Variants in ST8SIA5 observed in about 807,000 individuals in gnomAD.
ST8SIA5 encodes alpha-2,8-sialyltransferase 8E.
ST8SIA5 carries 24 observed loss-of-function variants against 40.2 expected under a neutral mutation model. The observed-to-expected ratio is 0.60, with a 90% CI of 0.43 to 0.84. The LOEUF (loss-of-function observed/expected upper bound fraction) is 0.84, where lower values mean the gene tolerates loss of function less well. ST8SIA5 is among the 40% of genes least tolerant of loss of function. The pLI is 0.00. For synonymous variants in ST8SIA5, 198 were observed against 201.8 expected, an observed-to-expected ratio of 0.98 and a Z score of 0.16; for missense variants, 465 against 498.5, an observed-to-expected ratio of 0.93 and a Z score of 0.64.
chr18:46,691,379 A>G (rs2039503827), intron 3 of ST8SIA5: 1 of 152,222 alleles, frequency 6.6e-6, no homozygotes, highest in Non-Finnish European at 1.5e-5. Flanking sequence ...GCTTTTCACA[A>G]TCTTGTGCAG....
chr18:46,756,726 C>T lies in ST8SIA5; in HGVS notation c.-218G>A. On this transcript the variant is annotated 5_prime_UTR_variant, in exon 1 of 7. Transcript: ENST00000315087. ...GCGGCAAGCAGGACAGGGCCGGTGG[C>T]AGGGAGCTCTGCCGCGGCCAGGGGC... 1.9e-6 allele frequency: 1 copy of T among 520,750 alleles called. No homozygotes were observed. Among genetic ancestry groups the T allele is most frequent in the Non-Finnish European group, 3.3e-6 (1 of 305,846 alleles). 32.3% of individuals were successfully genotyped at this position (520,750 alleles called of 1,614,324 possible). A position where few individuals can be genotyped will look rare whatever the true frequency, so the allele number is the denominator to read the frequency against.
chr18:46,725,086 A>T (rs1381038104), intron 1 of ST8SIA5, among the ~76,000 whole-genome samples: 1 of 152,040 alleles, frequency 6.6e-6, no homozygotes, highest in Non-Finnish European at 1.5e-5. Context: ...AGAAAATCTC[A>T]TTATCTCCAT....
chr18:46,692,285 A>G (rs1195841238), intron 2 of ST8SIA5, 30 bp from the exon 3 acceptor site: 10 of 1,607,016 alleles, frequency 6.2e-6, no homozygotes, highest in Non-Finnish European at 8.5e-6. Context: ...AGAGTACATG[A>G]GCAGGGTAGG....
chr18:46,712,779 C>T (rs532505930), intron 1 of ST8SIA5, among the ~76,000 whole-genome samples: 10 of 152,056 alleles, frequency 6.6e-5, no homozygotes, highest in South Asian at 6.2e-4. Flanking sequence ...TCCACAGGGG[C>T]GACAATAAAT....
chr18:46,753,910 T>C (rs1177578924), intron 1 of ST8SIA5, among the ~76,000 whole-genome samples: 1 of 152,090 alleles, frequency 6.6e-6, no homozygotes, highest in African/African-American at 2.4e-5. Flanking sequence ...GGCAGGTTAG[T>C]AGATCTCACC....
At chr18:46,718,248 T>C (rs949181498) in intron 1 of ST8SIA5, among the ~76,000 whole-genome samples, 3 of 149,248 alleles carry the variant, frequency 2.0e-5, no homozygotes. Flanking sequence ...GAGAATTGCT[T>C]GAACCCGGGA....
At chr18:46,704,754 C>G (rs1022636803) in intron 1 of ST8SIA5, 90 bp from the exon 2 acceptor site, 2 of 1,107,024 alleles carry the variant, frequency 1.8e-6, no homozygotes, top group African/African-American at 1.5e-5. Context: ...GAGTGTCTGT[C>G]CCAGTGAAAT....
chr18:46,686,187 C>A lies in ST8SIA5; in HGVS notation c.556G>T (p.Asp186Tyr). 1 of 1,614,128 alleles carries A rather than the reference C, an allele frequency of 6.2e-7. No individual in the cohort carries two copies. The highest frequency in any genetic ancestry group is 8.5e-7 in the Non-Finnish European group (1 of 1,180,006). Residue 186 changes from aspartate (D) to tyrosine (Y), a missense_variant, in exon 5 of 7, where the codon GAC becomes TAC. Coordinates refer to ENST00000315087, the MANE Select transcript of ST8SIA5 (RefSeq NM_013305.6). ...GGTTTCTTTTACCGGAAGACGAAGT[C>A]GGCGCTGTTGATCTCCCTCCCGCAG... ...SRCGREINSA[D>Y]FVFRCNLPPI...
intron 1 of ST8SIA5, among the ~76,000 whole-genome samples, chr18:46,713,566 G>A (rs1367407706): frequency 6.6e-6 from 1 of 152,158 alleles, no homozygotes; most frequent in South Asian, 2.1e-4. Flanking sequence ...ACAGGCCTGA[G>A]GTCAGCTCCC....
intron 1 of ST8SIA5, among the ~76,000 whole-genome samples, chr18:46,724,700 A>G (rs1178782033): frequency 6.6e-6 from 1 of 152,152 alleles, no homozygotes; most frequent in Non-Finnish European, 1.5e-5. Flanking sequence ...CGGGCCAAGC[A>G]TGGTGGCTCA....
At chr18:46,692,355 C>A (rs888028163) in intron 2 of ST8SIA5, 100 bp from the exon 3 acceptor site, 12 of 1,043,818 alleles carry the variant, frequency 1.1e-5, no homozygotes, top group African/African-American at 7.8e-5. Context: ...AGGCCAAGTC[C>A]AGTCCTGGGG....
In ST8SIA5 at chr18:46,678,931, C is replaced by T. The variant is rs2039357683; in HGVS notation, c.*1111G>A. On this transcript the variant is annotated 3_prime_UTR_variant, in exon 7 of 7. Transcript: ENST00000315087. Reference sequence around the variant, plus strand: ...CCTAAGCCCAGCTGACTGCCCCAAGCCCAGGCCCTGGGGTCTGCTGTGAGA... The same window carrying T: ...CCTAAGCCCAGCTGACTGCCCCAAGTCCAGGCCCTGGGGTCTGCTGTGAGA... 6.6e-6 allele frequency: 1 copy of T among 152,264 alleles called. No individual in the cohort carries two copies. Among genetic ancestry groups the T allele is most frequent in the African/African-American group, 2.4e-5 (1 of 41,446 alleles). 9.4% of individuals were successfully genotyped at this position (152,264 alleles called of 1,614,324 possible). A position where few individuals can be genotyped will look rare whatever the true frequency, so the allele number is the denominator to read the frequency against.
chr18:46,710,763 T>C (rs2039723932), intron 1 of ST8SIA5, among the ~76,000 whole-genome samples: 1 of 152,070 alleles, frequency 6.6e-6, no homozygotes, highest in Non-Finnish European at 1.5e-5. Flanking sequence ...CCTGTTGGCC[T>C]GATTCCCTCT....
In ST8SIA5 at chr18:46,671,784, T is replaced by G. The variant is rs960711492; in HGVS notation, c.*8258A>C. The G allele has an allele frequency of 1.3e-5, 2 of 152,232 alleles. No individual in the cohort carries two copies. Among genetic ancestry groups the G allele is most frequent in the African/African-American group, 4.8e-5 (2 of 41,454 alleles). The allele number at this position is 152,232 out of a possible 1,614,324, so 9.4% of individuals were successfully genotyped here. A position where few individuals can be genotyped will look rare whatever the true frequency, so the allele number is the denominator to read the frequency against. The stretch of plus-strand genomic sequence containing the variant: ...CTAAAATGTTCAGAAAAAGAAAAGC[T>G]GGTACCTTTAAGAAGTCTCACGCCT... On this transcript the variant is annotated 3_prime_UTR_variant, in exon 7 of 7. Transcript: ENST00000315087.
rs147373500 is a variant in ST8SIA5, at chr18:46,720,828, T to C, written c.132-16164A>G. Reference sequence around the variant, plus strand: ...TTTTTATTCATTCAACAAATATTACTGATCAAGAGGAAATAGCCACATGAT... The same window carrying C: ...TTTTTATTCATTCAACAAATATTACCGATCAAGAGGAAATAGCCACATGAT... On this transcript the variant is annotated intron_variant, in intron 1 of 6. Coordinates refer to ENST00000315087, the MANE Select transcript of ST8SIA5 (RefSeq NM_013305.6). 1.8e-3 allele frequency among the ~76,000 whole-genome samples: 280 copies of C among 152,250 alleles called. 2 individuals carry two copies. Among genetic ancestry groups the C allele is most frequent in the African/African-American group, 6.5e-3 (269 of 41,538 alleles).
chr18:46,704,126 G>T (rs2039645419), intron 2 of ST8SIA5, among the ~76,000 whole-genome samples: 1 of 152,066 alleles, frequency 6.6e-6, no homozygotes, highest in Non-Finnish European at 1.5e-5. Flanking sequence ...CACAAATTTT[G>T]TATCACCTAA....
chr18:46,730,462 G>A (rs1463883879), intron 1 of ST8SIA5: 2 of 158,480 alleles, frequency 1.3e-5, no homozygotes, highest in East Asian at 3.8e-4. Context: ...ATAAAGAAAA[G>A]ATAATGGAGT....
intron 1 of ST8SIA5, among the ~76,000 whole-genome samples, chr18:46,729,627 G>A (rs2039966764): frequency 6.6e-6 from 1 of 152,214 alleles, no homozygotes; most frequent in Non-Finnish European, 1.5e-5. Context: ...ATAATCCAGA[G>A]CTAGTAAGGG....
At chr18:46,683,737 T>C (rs920543045) in intron 5 of ST8SIA5, among the ~76,000 whole-genome samples, 1 of 151,392 alleles carries the variant, frequency 6.6e-6, no homozygotes, top group African/African-American at 2.4e-5. Context: ...CCTTAAAGAT[T>C]GAGTGCGGGA....
Sources: gnomAD v4.1 joint callset for allele counts (sites outside exome capture counted in the v4.1 genomes callset) on GRCh38, gnomAD v4.1.1 for gene constraint, MANE v1.5 for transcripts, NCBI Gene and HGNC (gene_info 2026-07-23, HGNC 2026-07-21) for gene names.